DGCR2: variants seen among roughly 807,000 people sequenced by gnomAD.
The protein encoded by DGCR2 is DiGeorge syndrome critical region gene 2.
A neutral mutation model predicts 51.6 loss-of-function variants in DGCR2; 24 were observed. The observed-to-expected ratio is 0.47, with a 90% CI of 0.34 to 0.65. DGCR2 has a LOEUF of 0.65. Among genes scored for constraint, DGCR2 ranks in the 30% least tolerant of loss-of-function variants. The pLI is 0.01. For synonymous variants in DGCR2, 340 were observed against 315.4 expected (o/e 1.08, Z -0.82); for missense variants, 765 against 772.1 (o/e 0.99, Z 0.11).
chr22:19,042,916 C>T (rs955627032), intron 7 of DGCR2, among the ~76,000 whole-genome samples: 7 of 152,188 alleles, frequency 4.6e-5, no homozygotes, highest in African/African-American at 1.7e-4. Flanking sequence ...TCCCCTGACG[C>T]ACCCAGCCCT....
Position 19,088,641 on chromosome 22 carries a change from C to CT in DGCR2, c.202+726dup, listed in dbSNP as rs767280013. 1.6e-4 allele frequency among the ~76,000 whole-genome samples: 24 copies of CT among 152,306 alleles called. No individual in the cohort carries two copies. The East Asian group carries it at 1.7e-3, about 11-fold the overall frequency. On this transcript the variant is annotated intron_variant, in intron 2 of 9. Coordinates refer to ENST00000263196, the MANE Select transcript of DGCR2 (RefSeq NM_005137.3). ...GTAAGACACACTTTCCCCTTAGTGG[C>CT]TTTATCAGCACCACCTAGTCTTAAA... is the stretch of plus-strand genomic sequence containing the variant.
At chr22:19,116,864 C>T (rs1025053135) in intron 1 of DGCR2, among the ~76,000 whole-genome samples, 16 of 151,940 alleles carry the variant, frequency 1.1e-4, no homozygotes, top group African/African-American at 3.9e-4. Flanking sequence ...AGGATGCATG[C>T]ACTACTAGAT....
At chr22:19,045,564 AATT>A (rs2082480305) in intron 7 of DGCR2, among the ~76,000 whole-genome samples, 1 of 152,138 alleles carries the variant, frequency 6.6e-6, no homozygotes, top group Non-Finnish European at 1.5e-5. Context: ...TGGCTATTTT[AATT>A]ATTTTGCCTT....
chr22:19,054,983 G>A (rs1015152017), intron 6 of DGCR2, among the ~76,000 whole-genome samples: 1 of 152,088 alleles, frequency 6.6e-6, no homozygotes, highest in African/African-American at 2.4e-5. Context: ...AGGCGTGGTG[G>A]CACATGTCTG....
At chr22:19,062,793 T>TCTCTCTC in intron 5 of DGCR2, among the ~76,000 whole-genome samples, 1 of 148,218 alleles carries the variant, frequency 6.7e-6, no homozygotes, top group Admixed American at 6.7e-5. Flanking sequence ...TCTCTCTCTC[T>TCTCTCTC]CTCTCTCTCT....
intron 3 of DGCR2, among the ~76,000 whole-genome samples, chr22:19,067,812 T>C (rs2082766560): frequency 6.6e-6 from 1 of 152,226 alleles, no homozygotes; most frequent in Non-Finnish European, 1.5e-5. Flanking sequence ...AATACAACTT[T>C]GGAATTTCCA....
intron 2 of DGCR2, among the ~76,000 whole-genome samples, chr22:19,074,118 T>C (rs1363764752): frequency 6.6e-6 from 1 of 152,118 alleles, no homozygotes; most frequent in African/African-American, 2.4e-5. Context: ...GAAAACGGCT[T>C]GGCAATTTCT....
intron 1 of DGCR2, among the ~76,000 whole-genome samples, chr22:19,103,279 G>A (rs1252480011): frequency 6.9e-6 from 1 of 144,406 alleles, no homozygotes; most frequent in Non-Finnish European, 1.5e-5. Flanking sequence ...TACCGTTTGG[G>A]ATGATAAAAA....
intron 6 of DGCR2, among the ~76,000 whole-genome samples, chr22:19,055,084 C>A (rs1235579091): frequency 1.3e-5 from 2 of 152,144 alleles, no homozygotes; most frequent in Non-Finnish European, 2.9e-5. Flanking sequence ...TCACTGCACT[C>A]CAGCCTGGGT....
At chr22:19,062,134 C>T (rs1236707480) in intron 5 of DGCR2, among the ~76,000 whole-genome samples, 2 of 152,216 alleles carry the variant, frequency 1.3e-5, no homozygotes, top group African/African-American at 2.4e-5. Context: ...GCCTGGAAAC[C>T]CAGAAGCCAT....
At chr22:19,114,012 T>C (rs1057076867) in intron 1 of DGCR2, among the ~76,000 whole-genome samples, 3 of 147,228 alleles carry the variant, frequency 2.0e-5, no homozygotes, top group Non-Finnish European at 4.4e-5. Context: ...TGAGCTGAGA[T>C]TGCACCACTG....
chr22:19,041,509 G>GGGCTGACACTACTGTCAGACCCAGCCTCT, intron 8 of DGCR2: 1 of 609,348 alleles, frequency 1.6e-6, no homozygotes, highest in Non-Finnish European at 2.9e-6. Flanking sequence ...CTGTCCCTCT[G>GGGCTGACACTACTGTCAGACCCAGCCTCT]GGCTGACACT....
At chr22:19,120,401 T>C (rs1231776453) in intron 1 of DGCR2, among the ~76,000 whole-genome samples, 1 of 152,112 alleles carries the variant, frequency 6.6e-6, no homozygotes, top group Non-Finnish European at 1.5e-5. Flanking sequence ...CACAGGAGTG[T>C]GACAAGTGAC....
At chr22:19,086,195 TG>T (rs1372571623) in intron 2 of DGCR2, among the ~76,000 whole-genome samples, 1 of 152,012 alleles carries the variant, frequency 6.6e-6, no homozygotes, top group African/African-American at 2.4e-5. Flanking sequence ...TCAACCTGCT[TG>T]GCCGGGCACA....
chr22:19,119,574 A>G (rs1018226097), intron 1 of DGCR2, among the ~76,000 whole-genome samples: 5 of 151,964 alleles, frequency 3.3e-5, no homozygotes, highest in African/African-American at 1.2e-4. Context: ...CATCTCTACT[A>G]AAAATACAAA....
At chr22:19,065,318 A>C in intron 3 of DGCR2, 1 of 506,616 alleles carries the variant, frequency 2.0e-6, no homozygotes, top group Non-Finnish European at 3.6e-6. Context: ...TAATTTATTC[A>C]CTAGTCAAGA....
At chr22:19,062,775 G>GCTTGCTCTCTCTCTCTCTCT (rs2082686000) in intron 5 of DGCR2, among the ~76,000 whole-genome samples, 2 of 108,860 alleles carry the variant, frequency 1.8e-5, no homozygotes, top group Non-Finnish European at 3.9e-5. Context: ...ACACATGCAT[G>GCTTGCTCTCTCTCTCTCTCT]CTCACTCTCT....
intron 1 of DGCR2, among the ~76,000 whole-genome samples, chr22:19,115,078 G>A (rs544764573): frequency 6.6e-6 from 1 of 152,314 alleles, no homozygotes; most frequent in East Asian, 1.9e-4. Flanking sequence ...CGCAGGCAGA[G>A]GAGGAGGAGA....
intron 1 of DGCR2, among the ~76,000 whole-genome samples, chr22:19,098,562 T>C (rs1199471292): frequency 4.6e-5 from 7 of 152,138 alleles, no homozygotes; most frequent in African/African-American, 1.7e-4. Flanking sequence ...TTCTCGAGTA[T>C]ACATATAGGG....
Sources: allele counts gnomAD v4.1 joint callset (sites outside exome capture counted in the v4.1 genomes callset), GRCh38; gene constraint gnomAD v4.1.1; transcripts MANE v1.5; gene names NCBI Gene and HGNC (gene_info 2026-07-23, HGNC 2026-07-21).